KCNIP4: variants seen among roughly 807,000 people sequenced by gnomAD.
KCNIP4 encodes the protein Kv channel-interacting protein 4.
A neutral mutation model predicts 34.0 loss-of-function variants in KCNIP4; 12 were observed. That is an observed-to-expected ratio of 0.35 (90% CI 0.23 to 0.57). The LOEUF (loss-of-function observed/expected upper bound fraction) is 0.57. KCNIP4 is among the 20% of genes least tolerant of loss of function. The pLI, the probability that KCNIP4 is intolerant of heterozygous loss-of-function variation, is 0.83. For synonymous variants in KCNIP4, 124 were observed against 102.2 expected (o/e 1.21, Z -1.29); for missense variants, 238 against 311.7 (o/e 0.76, Z 1.78).
intron 1 of KCNIP4, among the ~76,000 whole-genome samples, chr4:21,620,592 C>T (rs1744936976): frequency 6.6e-6 from 1 of 152,046 alleles, no homozygotes; most frequent in African/African-American, 2.4e-5. Flanking sequence ...GTCCCCAAAT[C>T]CTGTTAACTG....
intron 1 of KCNIP4, among the ~76,000 whole-genome samples, chr4:21,102,510 G>T (rs1381337815): frequency 6.6e-6 from 1 of 152,102 alleles, no homozygotes; most frequent in Non-Finnish European, 1.5e-5. Context: ...CATCTGGAAT[G>T]CATCTCAATA....
chr4:21,392,163 A>G (rs1241064328), intron 1 of KCNIP4, among the ~76,000 whole-genome samples: 3 of 152,232 alleles, frequency 2.0e-5, no homozygotes, highest in Non-Finnish European at 2.9e-5. Context: ...ACTGCTGAGA[A>G]CTGCACAGCA....
chr4:21,679,263 A>C (rs1750155741), intron 1 of KCNIP4, among the ~76,000 whole-genome samples: 4 of 152,166 alleles, frequency 2.6e-5, no homozygotes, highest in Admixed American at 2.6e-4. Flanking sequence ...ATTTACCCAG[A>C]GTATTTATCA....
At chr4:20,844,732 A>G (rs1176455018) in intron 3 of KCNIP4, among the ~76,000 whole-genome samples, 1 of 152,054 alleles carries the variant, frequency 6.6e-6, no homozygotes, top group Non-Finnish European at 1.5e-5. Flanking sequence ...CTTTGCAAAA[A>G]TGTAGATCCC....
At chr4:20,879,702 C>T (rs1455427161) in intron 2 of KCNIP4, among the ~76,000 whole-genome samples, 3 of 151,994 alleles carry the variant, frequency 2.0e-5, no homozygotes, top group African/African-American at 4.8e-5. Context: ...TATATAATTT[C>T]GAAGTATTAA....
intron 1 of KCNIP4, among the ~76,000 whole-genome samples, chr4:21,477,409 T>C (rs1731077417): frequency 6.6e-6 from 1 of 152,142 alleles, no homozygotes; most frequent in Non-Finnish European, 1.5e-5. Flanking sequence ...TGAATACCTT[T>C]GAATATCACT....
chr4:21,401,013 T>G (rs2109553138), intron 1 of KCNIP4, among the ~76,000 whole-genome samples: 1 of 152,014 alleles, frequency 6.6e-6, no homozygotes, highest in Non-Finnish European at 1.5e-5. Context: ...ATACAAAAAT[T>G]AGCTGGGCAT....
intron 1 of KCNIP4, among the ~76,000 whole-genome samples, chr4:21,561,546 T>C (rs1739484171): frequency 6.6e-6 from 1 of 151,976 alleles, no homozygotes; most frequent in Non-Finnish European, 1.5e-5. Flanking sequence ...AGGACTTGTC[T>C]TTTTACTTGT....
intron 1 of KCNIP4, among the ~76,000 whole-genome samples, chr4:21,093,639 C>T (rs1373802022): frequency 6.6e-6 from 1 of 152,056 alleles, no homozygotes; most frequent in Non-Finnish European, 1.5e-5. Flanking sequence ...CTTAGAGATA[C>T]CGAGTTACAG....
At chr4:20,967,833 G>A (rs553491713) in intron 1 of KCNIP4, among the ~76,000 whole-genome samples, 2 of 152,134 alleles carry the variant, frequency 1.3e-5, no homozygotes, top group Non-Finnish European at 2.9e-5. Flanking sequence ...AAACCTAGAA[G>A]AAAACCTAGG....
chr4:20,865,744 A>G (rs1722816251), intron 2 of KCNIP4, among the ~76,000 whole-genome samples: 1 of 152,058 alleles, frequency 6.6e-6, no homozygotes, highest in South Asian at 2.1e-4. Flanking sequence ...AGAAAGTAAC[A>G]TATAGGATGA....
At chr4:21,224,925 A>G (rs932707128) in intron 1 of KCNIP4, among the ~76,000 whole-genome samples, 1 of 152,012 alleles carries the variant, frequency 6.6e-6, no homozygotes, top group African/African-American at 2.4e-5. Context: ...AACCATCACA[A>G]TTTTGAGGTA....
intron 1 of KCNIP4, among the ~76,000 whole-genome samples, chr4:21,291,191 C>G (rs1207780027): frequency 6.6e-6 from 1 of 152,130 alleles, no homozygotes; most frequent in Non-Finnish European, 1.5e-5. Context: ...ATAAATTCAT[C>G]TCCCAGAAAA....
intron 1 of KCNIP4, among the ~76,000 whole-genome samples, chr4:21,281,716 T>C (rs1314372654): frequency 1.3e-5 from 2 of 152,214 alleles, no homozygotes; most frequent in African/African-American, 2.4e-5. Context: ...TTTTATTGCA[T>C]TCCAATTATT....
At chr4:20,832,787 T>C (rs1718579841) in intron 3 of KCNIP4, among the ~76,000 whole-genome samples, 1 of 148,554 alleles carries the variant, frequency 6.7e-6, no homozygotes, top group South Asian at 2.2e-4. Context: ...TATCTCACTG[T>C]AAACATTTCT....
chr4:21,025,498 GAGAGAGAGAGAGA>G (rs1560656219), intron 1 of KCNIP4, among the ~76,000 whole-genome samples: 1 of 137,758 alleles, frequency 7.3e-6, no homozygotes, highest in Non-Finnish European at 1.5e-5. Flanking sequence ...GAGAGAGAGA[GAGAGAGAGAGAGA>G]GAGAACTGCA....
intron 1 of KCNIP4, among the ~76,000 whole-genome samples, chr4:21,039,332 T>C (rs1741742609): frequency 1.3e-5 from 2 of 149,280 alleles, no homozygotes; most frequent in Admixed American, 6.7e-5. Flanking sequence ...ATCATGCCAC[T>C]GCACTCCAGC....
intron 1 of KCNIP4, among the ~76,000 whole-genome samples, chr4:21,039,859 T>A (rs1287657540): frequency 6.6e-6 from 1 of 152,236 alleles, no homozygotes; most frequent in Non-Finnish European, 1.5e-5. Flanking sequence ...TCTATATTCA[T>A]CTGTTCTCAT....
chr4:21,561,728 T>C (rs6811766), intron 1 of KCNIP4, among the ~76,000 whole-genome samples: 19,725 of 151,976 alleles, frequency 0.13, 1,455 homozygotes, highest in East Asian at 0.34. Flanking sequence ...GAATGATAGA[T>C]GCATGGTAAT....
Sources: allele counts gnomAD v4.1 joint callset (sites outside exome capture counted in the v4.1 genomes callset), GRCh38; gene constraint gnomAD v4.1.1; transcripts MANE v1.5; gene names NCBI Gene and HGNC (gene_info 2026-07-23, HGNC 2026-07-21).